The following PTPRT variants were observed in gnomAD, a reference collection of about 807,000 sequenced individuals.
PTPRT encodes the protein receptor-type tyrosine-protein phosphatase T.
A neutral mutation model predicts 176.8 loss-of-function variants in PTPRT; 56 were observed. The ratio of observed to expected loss-of-function variants is 0.32; its 90% confidence interval spans 0.26 to 0.40. PTPRT has a LOEUF of 0.40. PTPRT is among the 10% of genes least tolerant of loss of function. The pLI, the probability that PTPRT is intolerant of heterozygous loss-of-function variation, is 1.00. For synonymous variants in PTPRT, 783 were observed against 739.0 expected (o/e 1.06, Z -0.96); for missense variants, 1,540 against 1,908.2 (o/e 0.81, Z 3.60).
intron 1 of PTPRT, among the ~76,000 whole-genome samples, chr20:42,974,625 T>C (rs1038236152): frequency 6.6e-6 from 1 of 152,146 alleles, no homozygotes; most frequent in African/African-American, 2.4e-5. Context: ...TCATATCTGC[T>C]AAAAGCAATC....
intron 6 of PTPRT, among the ~76,000 whole-genome samples, chr20:42,734,918 C>T (rs2076515865): frequency 6.6e-6 from 1 of 152,176 alleles, no homozygotes; most frequent in African/African-American, 2.4e-5. Context: ...TCAAACCAAG[C>T]CACATGGCCA....
chr20:42,238,940 C>T (rs2056298150), intron 14 of PTPRT, among the ~76,000 whole-genome samples: 1 of 152,102 alleles, frequency 6.6e-6, no homozygotes, highest in African/African-American at 2.4e-5. Context: ...CAAGAATCAC[C>T]ATAGGCATTA....
At chr20:42,627,315 C>G (rs1360559255) in intron 7 of PTPRT, among the ~76,000 whole-genome samples, 1 of 151,742 alleles carries the variant, frequency 6.6e-6, no homozygotes, top group Non-Finnish European at 1.5e-5. Context: ...GAGATAGGGT[C>G]TCTTTCACCT....
chr20:42,596,298 A>G (rs193252960), intron 7 of PTPRT, among the ~76,000 whole-genome samples: 82 of 152,322 alleles, frequency 5.4e-4, no homozygotes, highest in Admixed American at 3.7e-3. Context: ...AACTTTGCCA[A>G]TTCTACTTCT....
intron 7 of PTPRT, among the ~76,000 whole-genome samples, chr20:42,607,968 C>T (rs928239749): frequency 4.6e-5 from 7 of 152,134 alleles, no homozygotes; most frequent in African/African-American, 9.7e-5. Context: ...TGACACTGGC[C>T]GTGTGTCACA....
At chr20:42,425,243 A>G (rs141639168) in intron 9 of PTPRT, among the ~76,000 whole-genome samples, 14 of 152,290 alleles carry the variant, frequency 9.2e-5, no homozygotes, top group African/African-American at 2.4e-4. Flanking sequence ...CTATAACGCA[A>G]TGCAGTCATT....
intron 6 of PTPRT, among the ~76,000 whole-genome samples, chr20:42,717,124 C>T (rs1430156401): frequency 6.6e-6 from 1 of 151,710 alleles, no homozygotes; most frequent in East Asian, 1.9e-4. Context: ...CAACATGGCA[C>T]ATGTATACAT....
At chr20:43,144,695 G>A (rs1600745590) in intron 1 of PTPRT, among the ~76,000 whole-genome samples, 1 of 152,106 alleles carries the variant, frequency 6.6e-6, no homozygotes. Flanking sequence ...ATGCTAATGG[G>A]TACCTGGTTT....
chr20:42,198,473 CA>C (rs1991320036), intron 16 of PTPRT, among the ~76,000 whole-genome samples: 1 of 152,142 alleles, frequency 6.6e-6, no homozygotes, highest in Admixed American at 6.5e-5. Context: ...TTGCATTACC[CA>C]ATTTGGGGAA....
chr20:42,046,017 G>A, the PTPRT span, among the ~76,000 whole-genome samples: 1 of 152,200 alleles, frequency 6.6e-6, no homozygotes, highest in Admixed American at 6.5e-5. Flanking sequence ...AAGGGGCAGG[G>A]GTTGGTGGGG....
At chr20:43,046,085 C>G (rs1021103805) in intron 1 of PTPRT, among the ~76,000 whole-genome samples, 1 of 152,034 alleles carries the variant, frequency 6.6e-6, no homozygotes, top group African/African-American at 2.4e-5. Context: ...GCAGGCCACA[C>G]TAAGATTTTA....
At chr20:42,373,006 C>T (rs1216480234) in intron 9 of PTPRT, among the ~76,000 whole-genome samples, 3 of 152,244 alleles carry the variant, frequency 2.0e-5, no homozygotes, top group Admixed American at 6.5e-5. Flanking sequence ...AACACAGAGG[C>T]TTCTGCCACA....
At chr20:42,857,049 G>A (rs2078576330) in intron 2 of PTPRT, among the ~76,000 whole-genome samples, 1 of 152,184 alleles carries the variant, frequency 6.6e-6, no homozygotes, top group Non-Finnish European at 1.5e-5. Context: ...GTCACTTGAT[G>A]TTTAAATTTT....
intron 15 of PTPRT, among the ~76,000 whole-genome samples, chr20:42,204,331 C>T (rs2055397386): frequency 2.0e-5 from 3 of 152,184 alleles, no homozygotes; most frequent in Non-Finnish European, 1.5e-5. Context: ...AGTCATATGA[C>T]TCATGGGATG....
intron 8 of PTPRT, 33 bp from the exon 9 acceptor site, chr20:42,448,362 A>G (rs1372369622): frequency 6.8e-7 from 1 of 1,481,456 alleles, no homozygotes; most frequent in East Asian, 2.3e-5. Context: ...ACTTGATGTC[A>G]CCTTCCACAT....
intron 1 of PTPRT, among the ~76,000 whole-genome samples, chr20:43,135,546 A>C (rs2013803946): frequency 6.6e-6 from 1 of 152,250 alleles, no homozygotes; most frequent in African/African-American, 2.4e-5. Context: ...TGTAGTTTTC[A>C]AAGCTCTCCA....
At chr20:42,208,739 A>G (rs1233340115) in intron 15 of PTPRT, among the ~76,000 whole-genome samples, 1 of 152,176 alleles carries the variant, frequency 6.6e-6, no homozygotes, top group Non-Finnish European at 1.5e-5. Context: ...GATCAATGAG[A>G]CAGAAATTCA....
chr20:42,651,125 A>C (rs1333351363), intron 7 of PTPRT, among the ~76,000 whole-genome samples: 2 of 152,162 alleles, frequency 1.3e-5, no homozygotes, highest in Admixed American at 1.3e-4. Context: ...CTATAAACAA[A>C]AAGCATTTTG....
chr20:42,269,765 C>A (rs7274802), intron 13 of PTPRT, among the ~76,000 whole-genome samples: 3,084 of 152,190 alleles, frequency 0.02, 118 homozygotes, highest in African/African-American at 0.071. Flanking sequence ...TAAATGGTGC[C>A]CCATAAGGGG....
Sources: gnomAD v4.1 joint callset for allele counts (sites outside exome capture counted in the v4.1 genomes callset) on GRCh38, gnomAD v4.1.1 for gene constraint, MANE v1.5 for transcripts, NCBI Gene and HGNC (gene_info 2026-07-23, HGNC 2026-07-21) for gene names.